The following WDR7 variants were observed in gnomAD, a reference collection of about 807,000 sequenced individuals.
The protein encoded by WDR7 is WD repeat-containing protein 7.
A neutral mutation model predicts 169.4 loss-of-function variants in WDR7; 46 were observed. The observed-to-expected ratio is 0.27, with a 90% confidence interval of 0.21 to 0.35. The LOEUF is 0.35. Among genes scored for constraint, WDR7 ranks in the 10% least tolerant of loss-of-function variants. The pLI, the probability that WDR7 is intolerant of heterozygous loss-of-function variation, is 1.00. For synonymous variants in WDR7, 612 were observed against 666.8 expected (o/e 0.92, Z 1.27); for missense variants, 1,534 against 1,859.3 (o/e 0.83, Z 3.22).
chr18:56,756,359 G>A (rs4609934), intron 14 of WDR7, among the ~76,000 whole-genome samples: 1,974 of 152,074 alleles, frequency 0.013, 21 homozygotes, highest in East Asian at 0.033. Flanking sequence ...AAACTAATTG[G>A]CAATTTTGTG....
chr18:56,807,337 A>G (rs1464735625), intron 19 of WDR7, among the ~76,000 whole-genome samples: 1 of 152,124 alleles, frequency 6.6e-6, no homozygotes, highest in Non-Finnish European at 1.5e-5. Context: ...TCTTTGTTTC[A>G]TAACAATTTA....
At chr18:56,744,783 C>T (rs1458741201) in intron 14 of WDR7, among the ~76,000 whole-genome samples, 1 of 152,122 alleles carries the variant, frequency 6.6e-6, no homozygotes, top group East Asian at 1.9e-4. Context: ...CCAGATGGTT[C>T]CCACCTACAG....
At chr18:56,711,253 G>A (rs1341649028) in intron 12 of WDR7, among the ~76,000 whole-genome samples, 1 of 151,614 alleles carries the variant, frequency 6.6e-6, no homozygotes, top group Non-Finnish European at 1.5e-5. Flanking sequence ...TTTGAAGCTT[G>A]AAATCTTATC....
At chr18:56,930,108 A>G (rs1043548119) in intron 22 of WDR7, among the ~76,000 whole-genome samples, 3 of 152,196 alleles carry the variant, frequency 2.0e-5, no homozygotes, top group African/African-American at 7.2e-5. Context: ...GCTGAGGGAC[A>G]TTAGTGAATT....
chr18:56,926,474 G>A (rs2046810542), intron 22 of WDR7, among the ~76,000 whole-genome samples: 1 of 152,166 alleles, frequency 6.6e-6, no homozygotes, highest in African/African-American at 2.4e-5. Flanking sequence ...TTGCCTGGGA[G>A]GAGAAGTGAA....
intron 14 of WDR7, among the ~76,000 whole-genome samples, chr18:56,742,564 T>C (rs1267875255): frequency 1.3e-5 from 2 of 152,242 alleles, no homozygotes. Context: ...TATTGACTAC[T>C]AGGTACTGTG....
intron 7 of WDR7, among the ~76,000 whole-genome samples, chr18:56,689,616 A>C (rs1210216141): frequency 4.6e-5 from 7 of 152,230 alleles, no homozygotes; most frequent in African/African-American, 1.7e-4. Context: ...ATTTTGTATA[A>C]ATTGTGAGAT....
chr18:56,678,368 A>G (rs1216658209), intron 2 of WDR7, among the ~76,000 whole-genome samples: 2 of 152,042 alleles, frequency 1.3e-5, no homozygotes, highest in Non-Finnish European at 2.9e-5. Flanking sequence ...GGAATTAAGT[A>G]TTTATTGTAT....
chr18:56,721,060 A>G (rs2026309637), intron 13 of WDR7, among the ~76,000 whole-genome samples: 1 of 152,038 alleles, frequency 6.6e-6, no homozygotes, highest in African/African-American at 2.4e-5. Flanking sequence ...AAATAAATAA[A>G]AAATGAAGCT....
intron 19 of WDR7, among the ~76,000 whole-genome samples, chr18:56,795,777 T>TA (rs1040595858): frequency 3.3e-5 from 5 of 152,246 alleles, no homozygotes; most frequent in Admixed American, 6.5e-5. Flanking sequence ...TGCTTATAGT[T>TA]ACTTTTTCTT....
At chr18:57,002,496 A>G (rs1453399178) in intron 26 of WDR7, among the ~76,000 whole-genome samples, 1 of 152,174 alleles carries the variant, frequency 6.6e-6, no homozygotes, top group Non-Finnish European at 1.5e-5. Flanking sequence ...TCTCTGAATT[A>G]CTGTTTATCG....
chr18:57,003,679 AATATTTTTT>A (rs2048014698), intron 26 of WDR7, among the ~76,000 whole-genome samples: 1 of 152,134 alleles, frequency 6.6e-6, no homozygotes, highest in Non-Finnish European at 1.5e-5. Context: ...TCTTTCAGTA[AATATTTTTT>A]AAAATATTAT....
At chr18:56,705,564 A>C (rs2469466) in intron 12 of WDR7, among the ~76,000 whole-genome samples, 139,111 of 152,214 alleles carry the variant, frequency 0.91, 64,765 homozygotes, top group Non-Finnish European at 1. Context: ...TCTTAGCATT[A>C]TGCATGTTAT....
chr18:57,015,795 T>C (rs2048197836), intron 26 of WDR7, among the ~76,000 whole-genome samples: 1 of 152,366 alleles, frequency 6.6e-6, no homozygotes, highest in East Asian at 1.9e-4. Flanking sequence ...GGAGCAGCAC[T>C]GGGAAGATGT....
In WDR7 at chr18:56,757,174, G is replaced by C. The variant is rs771711406; in HGVS notation, c.2581G>C (p.Gly861Arg). ...YNQPACKLSH[G>R]KTEVGRKLPA... ...TCAGCCTGCTTGTAAACTGTCACAT[G>C]GGAAAACAGAAGTAGGAAGGAAGCT... The change falls in exon 15 of 28, where the codon GGG becomes CGG. Residue 861 changes from glycine (G) to arginine (R), a missense_variant. Gly to Arg is a moderately radical substitution (Grantham distance 125). Coordinates refer to ENST00000254442, the MANE Select transcript of WDR7 (RefSeq NM_015285.3). 5.0e-6 allele frequency: 8 copies of C among 1,614,036 alleles called. No individual in the cohort carries two copies. In the Admixed American group the frequency reaches 1.3e-4, roughly 27 times the overall value.
chr18:56,898,005 T>C (rs1382128164), intron 21 of WDR7, among the ~76,000 whole-genome samples: 1 of 151,798 alleles, frequency 6.6e-6, no homozygotes, highest in Admixed American at 6.6e-5. Context: ...AAGATGTTGG[T>C]TTTGAAATAC....
intron 3 of WDR7, among the ~76,000 whole-genome samples, 162 bp from the exon 4 acceptor site, chr18:56,681,151 C>T (rs892964482): frequency 1.3e-5 from 2 of 151,974 alleles, no homozygotes; most frequent in South Asian, 2.1e-4. Flanking sequence ...TTAGGAGGGT[C>T]GAGGGAGGAC....
intron 19 of WDR7, among the ~76,000 whole-genome samples, chr18:56,811,557 CTT>C (rs1482481824): frequency 1.3e-5 from 2 of 152,076 alleles, no homozygotes; most frequent in African/African-American, 4.8e-5. Flanking sequence ...CAAGTCTAAA[CTT>C]ACATTTCAGA....
chr18:56,922,954 GA>G lies in WDR7; in HGVS notation c.3527-964del, dbSNP rs1300207707. 6.6e-5 allele frequency among the ~76,000 whole-genome samples: 10 copies of G among 152,166 alleles called. No individual in the cohort carries two copies. The East Asian group carries it at 1.9e-3, about 29-fold the overall frequency. On this transcript the variant is annotated intron_variant, in intron 21 of 27. Transcript: ENST00000254442. Reference sequence around the variant, plus strand: ...ATTCAGAATAAGCTCAGTAGTATGAGAAAAGTCAGGCTCAGTGAGTACCTTC... The same window carrying G: ...ATTCAGAATAAGCTCAGTAGTATGAGAAAGTCAGGCTCAGTGAGTACCTTC...
Sources: gnomAD v4.1 joint callset for allele counts (sites outside exome capture counted in the v4.1 genomes callset) on GRCh38, gnomAD v4.1.1 for gene constraint, MANE v1.5 for transcripts, NCBI Gene and HGNC (gene_info 2026-07-23, HGNC 2026-07-21) for gene names.